CFAP47: variants seen among roughly 807,000 people sequenced by gnomAD.
CFAP47 encodes cilia- and flagella-associated protein 47.
A neutral mutation model predicts 148.1 loss-of-function variants in CFAP47; 29 were observed. The observed-to-expected ratio is 0.20, with a 90% CI of 0.15 to 0.27. CFAP47 has a LOEUF of 0.27. Ranked by LOEUF, CFAP47 falls within the 10% of genes least tolerant of loss-of-function variation. The probability of loss-of-function intolerance (pLI) is 1.00; values close to 1 mark genes in which losing one functional copy is unlikely to be tolerated. For synonymous variants in CFAP47, 664 were observed against 577.3 expected (o/e 1.15, Z -2.15); for missense variants, 1,872 against 1,697.5 (o/e 1.10, Z -1.81).
intron 57 of CFAP47, among the ~76,000 whole-genome samples, chrX:36,346,276 G>C (rs1321846205): frequency 9.1e-6 from 1 of 110,488 alleles, no homozygotes; most frequent in South Asian, 3.8e-4. Context: ...GATCCTATAA[G>C]GTGCTACTTA....
chrX:36,342,337 G>C (rs1468907359), intron 57 of CFAP47, among the ~76,000 whole-genome samples: 1 of 112,066 alleles, frequency 8.9e-6, no homozygotes, highest in Non-Finnish European at 1.9e-5. Flanking sequence ...ATGTATAAAT[G>C]TAGGGTGATG....
At chrX:36,366,090 T>A (rs1195718634) in intron 61 of CFAP47, among the ~76,000 whole-genome samples, 1 of 111,799 alleles carries the variant, frequency 8.9e-6, no homozygotes, top group African/African-American at 3.2e-5. Context: ...TTTGTTAAGA[T>A]ACTATCCAGT....
chrX:35,924,146 T>TAC (rs1935659087), intron 1 of CFAP47, among the ~76,000 whole-genome samples: 2 of 98,367 alleles, frequency 2.0e-5, no homozygotes, highest in African/African-American at 8.5e-5. Flanking sequence ...TGTGTACATG[T>TAC]ATGCGTACAT....
chrX:36,120,620 C>T (rs1938725759), intron 33 of CFAP47, among the ~76,000 whole-genome samples: 2 of 111,233 alleles, frequency 1.8e-5, no homozygotes, highest in Middle Eastern at 4.6e-3. Context: ...TCCATTAATC[C>T]ACTGGTCATT....
At chrX:36,077,496 G>C (rs893779019) in intron 29 of CFAP47, among the ~76,000 whole-genome samples, 1 of 108,391 alleles carries the variant, frequency 9.2e-6, no homozygotes, top group Non-Finnish European at 1.9e-5. Context: ...CCCTTGGTCA[G>C]ATGTATTATT....
intron 48 of CFAP47, among the ~76,000 whole-genome samples, chrX:36,248,969 GA>G (rs1468919552): frequency 1.8e-5 from 2 of 110,055 alleles, no homozygotes; most frequent in Non-Finnish European, 3.8e-5. Context: ...AGGGAAATTA[GA>G]AAATGATATG....
At chrX:35,924,720 C>G (rs1438091339) in intron 1 of CFAP47, among the ~76,000 whole-genome samples, 1 of 110,550 alleles carries the variant, frequency 9.0e-6, no homozygotes, top group Non-Finnish European at 1.9e-5. Flanking sequence ...CTATAAGTAT[C>G]TTATATTTTT....
chrX:35,924,307 A>ATGTG (rs1935679287), intron 1 of CFAP47, among the ~76,000 whole-genome samples: 1 of 105,075 alleles, frequency 9.5e-6, no homozygotes, highest in African/African-American at 3.7e-5. Context: ...ACACATATGT[A>ATGTG]TATATGTACA....
At chrX:36,353,488 A>G (rs1941759732) in intron 59 of CFAP47, 41 bp from the exon 60 acceptor site, 12 of 1,101,526 alleles carry the variant, frequency 1.1e-5, no homozygotes, top group Non-Finnish European at 1.3e-5. Flanking sequence ...TGATCATATC[A>G]CCTACAAGTC....
intron 49 of CFAP47, among the ~76,000 whole-genome samples, chrX:36,262,184 T>G (rs1940836756): frequency 8.9e-6 from 1 of 112,336 alleles, no homozygotes; most frequent in Admixed American, 9.3e-5. Flanking sequence ...GAATGGGATA[T>G]CCATTCCCTC....
At chrX:35,988,054 G>A (rs1046871358) in intron 15 of CFAP47, among the ~76,000 whole-genome samples, 9 of 111,435 alleles carry the variant, frequency 8.1e-5, no homozygotes, top group Non-Finnish European at 1.7e-4. Context: ...TTCCTATTCG[G>A]CCATCTTGCC....
Position 35,986,930 on chromosome X carries a change from G to A in CFAP47, c.2714-2389G>A, listed in dbSNP as rs187059659. On this transcript the variant is annotated intron_variant, in intron 15 of 63. Transcript: ENST00000378653. ...GACCCTGTTTGCCTGGGTATCACCA[G>A]CGGAGGCTGCAGAACAGCAAAATTG... Among the ~76,000 whole-genome samples the A allele has an allele frequency of 1.9e-4, 21 of 111,552 alleles. No individual in the cohort carries two copies. The East Asian group carries it at 6.0e-3, about 32-fold the overall frequency.
At chrX:36,114,794 G>C (rs1938612393) in intron 33 of CFAP47, among the ~76,000 whole-genome samples, 1 of 111,334 alleles carries the variant, frequency 9.0e-6, no homozygotes, top group Non-Finnish European at 1.9e-5. Flanking sequence ...GTTGGCTGAA[G>C]GCTTTCATAG....
chrX:36,281,418 T>C (rs782248350), intron 50 of CFAP47, among the ~76,000 whole-genome samples: 8 of 112,477 alleles, frequency 7.1e-5, no homozygotes, highest in African/African-American at 2.3e-4. Context: ...ATCTAAAATC[T>C]GCAAGGCAAG....
At position 36,073,239 on chromosome X, in the gene CFAP47, T is replaced by C; in HGVS notation, c.4566T>C (p.Ser1522=). 8.3e-7 allele frequency: 1 copy of C among 1,208,958 alleles called. No individual in the cohort carries two copies. Residue 1522 remains serine, a synonymous_variant, in exon 29 of 64, where the codon TCT becomes TCC. Coordinates refer to ENST00000378653, the MANE Select transcript of CFAP47 (RefSeq NM_001304548.2). ...LEKEKYEQFL[S]LEEGTKAHYF... is the part of the protein sequence containing the mutation. ...AGGAAAAATATGAACAATTCCTTTC[T>C]CTTGAGGAAGGAACAAAGGCACACT...
At chrX:35,966,026 T>C (rs753837617) in intron 8 of CFAP47, among the ~76,000 whole-genome samples, 70 of 109,851 alleles carry the variant, frequency 6.4e-4, no homozygotes, top group Admixed American at 2.1e-3. Flanking sequence ...TTTGACAATT[T>C]TTATTGCCAG....
intron 21 of CFAP47, among the ~76,000 whole-genome samples, chrX:36,014,328 G>A (rs1179960113): frequency 9.0e-6 from 1 of 110,991 alleles, no homozygotes; most frequent in Non-Finnish European, 1.9e-5. Context: ...GTGAGAAATG[G>A]GTTTTTGACT....
intron 49 of CFAP47, among the ~76,000 whole-genome samples, chrX:36,254,510 G>T (rs1269261636): frequency 9.0e-6 from 1 of 111,112 alleles, no homozygotes; most frequent in Non-Finnish European, 1.9e-5. Context: ...AAACAGACAG[G>T]AGGGGTGAGA....
chrX:36,116,728 C>T (rs962038137), intron 33 of CFAP47, among the ~76,000 whole-genome samples: 2 of 112,024 alleles, frequency 1.8e-5, no homozygotes, highest in African/African-American at 6.5e-5. Context: ...TCACCTCAAG[C>T]ATTTATCCAT....
Sources: allele counts gnomAD v4.1 joint callset (sites outside exome capture counted in the v4.1 genomes callset), GRCh38; gene constraint gnomAD v4.1.1; transcripts MANE v1.5; gene names NCBI Gene and HGNC (gene_info 2026-07-23, HGNC 2026-07-21).